The following ZNF875 variants were observed in gnomAD, a reference collection of about 807,000 sequenced individuals.
ZNF875 encodes the protein HKR1, GLI-Kruppel zinc finger family member.
Under a neutral mutation model 11.2 loss-of-function variants are expected in ZNF875, and 14 were observed. The observed-to-expected ratio is 1.26, with a 90% CI of 0.83 to 1.96. ZNF875 has a LOEUF of 1.96. Ranked by LOEUF, ZNF875 falls within the 30% of genes most tolerant of loss-of-function variation. The pLI, the probability that ZNF875 is intolerant of heterozygous loss-of-function variation, is 0.00. For missense variants in ZNF875, 752 were observed against 760.4 expected, an observed-to-expected ratio of 0.99 and a Z score of 0.13; for synonymous variants, 301 against 281.1, an observed-to-expected ratio of 1.07 and a Z score of -0.71.
chr19:37,349,829 A>AT (rs1177900359), intron 4 of ZNF875, among the ~76,000 whole-genome samples: 2 of 151,492 alleles, frequency 1.3e-5, no homozygotes, highest in African/African-American at 2.4e-5. Context: ...TGGTTTTTGT[A>AT]TTTTTAGTAG....
At chr19:37,324,772 T>C in intron 4 of ZNF875, 1 of 95,294 alleles carries the variant, frequency 1.0e-5, no homozygotes. Context: ...AGATTGAACC[T>C]CTCTCTCTTT....
intron 4 of ZNF875, among the ~76,000 whole-genome samples, chr19:37,326,707 G>C (rs183507289): frequency 8.6e-6 from 1 of 116,334 alleles, no homozygotes; most frequent in Non-Finnish European, 1.6e-5. Flanking sequence ...TCGCTCTGTC[G>C]CCCAGACTGG....
intron 4 of ZNF875, chr19:37,358,143 T>C (rs1437072523): frequency 5.4e-6 from 2 of 370,750 alleles, no homozygotes; most frequent in East Asian, 3.8e-5. Flanking sequence ...CTTTTTTTTT[T>C]TTTTTTTTTT....
intron 2 of ZNF875, chr19:37,345,018 C>A (rs1438738069): frequency 2.4e-6 from 1 of 414,714 alleles, no homozygotes; most frequent in East Asian, 4.4e-5. Flanking sequence ...CACCTAGATT[C>A]TCAGTGAGTA....
chr19:37,323,375 C>T (rs779210311), intron 2 of ZNF875, among the ~76,000 whole-genome samples: 35 of 151,982 alleles, frequency 2.3e-4, no homozygotes, highest in Non-Finnish European at 4.6e-4. Flanking sequence ...AGGCTGGTCT[C>T]GAACTCCTGA....
At chr19:37,351,906 C>G (rs1378436209) in intron 4 of ZNF875, among the ~76,000 whole-genome samples, 1 of 152,132 alleles carries the variant, frequency 6.6e-6, no homozygotes, top group Non-Finnish European at 1.5e-5. Context: ...AGGGTACTAT[C>G]CTATAAATGT....
chr19:37,321,942 T>C (rs1365401338), intron 1 of ZNF875, among the ~76,000 whole-genome samples: 1 of 152,202 alleles, frequency 6.6e-6, no homozygotes, highest in Admixed American at 6.5e-5. Context: ...TCCTTTGAAA[T>C]TCTGTGAATT....
At chr19:37,358,728 A>G (rs770730771) in intron 4 of ZNF875, 2 of 151,754 alleles carry the variant, frequency 1.3e-5, no homozygotes, top group East Asian at 2.0e-4. Context: ...CATCTTGGCC[A>G]GGCTTGTCTT....
intron 2 of ZNF875, chr19:37,344,848 G>GT (rs2036469230): frequency 1.1e-6 from 1 of 907,062 alleles, no homozygotes; most frequent in South Asian, 1.3e-5. Context: ...TTCAAGGGGT[G>GT]TATGTGTGTA....
upstream of ZNF875, among the ~76,000 whole-genome samples, chr19:37,316,704 C>T (rs1320109050): frequency 1.3e-5 from 2 of 150,050 alleles, no homozygotes; most frequent in Non-Finnish European, 1.5e-5. Context: ...ACTCGGTCGC[C>T]CAGGCTGGAG....
chr19:37,331,449 A>G (rs1384899814), upstream of ZNF875, among the ~76,000 whole-genome samples: 7 of 151,512 alleles, frequency 4.6e-5, no homozygotes, highest in Admixed American at 4.6e-4. Flanking sequence ...AGAAGTAGAC[A>G]TAGGAGACTC....
chr19:37,352,604 C>G (rs2038107649), intron 4 of ZNF875, among the ~76,000 whole-genome samples: 1 of 152,078 alleles, frequency 6.6e-6, no homozygotes, highest in Non-Finnish European at 1.5e-5. Flanking sequence ...CTTTATATTT[C>G]AATCTTTTTA....
Position 37,363,023 on chromosome 19 carries a change from G to A in ZNF875, c.1171G>A (p.Glu391Lys), listed in dbSNP as rs369497744. ...LVRHKRTHSG[E>K]KPYICRECEQ... ...CAGACACAAGAGGACACATTCAGGA[G>A]AGAAGCCTTACATTTGCAGGGAGTG... The change falls in exon 5 of 5, where the codon GAG becomes AAG. Residue 391 changes from glutamate to lysine, a missense_variant. By Grantham distance (56) the Glu-to-Lys change is moderately conservative. Coordinates refer to ENST00000392153, the MANE Select transcript of ZNF875 (RefSeq NM_001353803.2). 9.9e-6 allele frequency: 16 copies of A among 1,614,272 alleles called. No homozygotes were observed. The East Asian group carries it at 1.6e-4, about 16-fold the overall frequency.
At chr19:37,313,278 G>C (rs2030040598), upstream of ZNF875, 3 of 152,108 alleles carry the variant, frequency 2.0e-5, no homozygotes, top group Admixed American at 2.0e-4. Context: ...TTCACGAGAG[G>C]AGTCCTTGAG....
At chr19:37,343,457 T>A (rs1465351351) in intron 2 of ZNF875, among the ~76,000 whole-genome samples, 1 of 151,886 alleles carries the variant, frequency 6.6e-6, no homozygotes, top group Non-Finnish European at 1.5e-5. Context: ...AGGCCCGGCA[T>A]GGCTGAGCTG....
chr19:37,348,479 C>T (rs182646456), intron 4 of ZNF875, among the ~76,000 whole-genome samples: 6 of 152,182 alleles, frequency 3.9e-5, no homozygotes, highest in East Asian at 1.9e-4. Context: ...ATGTATGAAT[C>T]GCTAAATCAT....
intron 2 of ZNF875, chr19:37,346,753 G>A (rs139393615): frequency 1.3e-3 from 254 of 191,324 alleles, no homozygotes; most frequent in Non-Finnish European, 2.4e-3. Flanking sequence ...ATGCTGGCTC[G>A]GCAGAGATAG....
At chr19:37,323,857 G>T (rs1241047110) in intron 3 of ZNF875, among the ~76,000 whole-genome samples, 1 of 152,136 alleles carries the variant, frequency 6.6e-6, no homozygotes, top group Admixed American at 6.5e-5. Flanking sequence ...TGGTTTGATC[G>T]CTCCGTTCAA....
chr19:37,333,905 C>T, upstream of ZNF875, among the ~76,000 whole-genome samples: 1 of 152,070 alleles, frequency 6.6e-6, no homozygotes, highest in Non-Finnish European at 1.5e-5. Context: ...TCCTTTCCAA[C>T]ACCGCCCCAC....
Sources: gnomAD v4.1 joint callset for allele counts (sites outside exome capture counted in the v4.1 genomes callset) on GRCh38, gnomAD v4.1.1 for gene constraint, MANE v1.5 for transcripts, NCBI Gene and HGNC (gene_info 2026-07-23, HGNC 2026-07-21) for gene names.